DYNC1I1: variants seen among roughly 807,000 people sequenced by gnomAD.
DYNC1I1 encodes the protein cytoplasmic dynein 1 intermediate chain 1.
DYNC1I1 carries 43 observed loss-of-function variants against 86.6 expected under a neutral mutation model. That is an observed-to-expected ratio of 0.50 (90% confidence interval 0.39 to 0.64). The LOEUF (loss-of-function observed/expected upper bound fraction) is 0.64, where lower values mean the gene tolerates loss of function less well. DYNC1I1 is among the 30% of genes least tolerant of loss of function. The pLI, the probability that DYNC1I1 is intolerant of heterozygous loss-of-function variation, is 0.00. For synonymous variants in DYNC1I1, 262 were observed against 283.7 expected (o/e 0.92, Z 0.77); for missense variants, 604 against 788.8 (o/e 0.77, Z 2.81).
At chr7:96,109,635 AT>A (rs1791279475) in intron 16 of DYNC1I1, among the ~76,000 whole-genome samples, 1 of 151,834 alleles carries the variant, frequency 6.6e-6, no homozygotes, top group Admixed American at 6.6e-5. Flanking sequence ...GTGGTTTCTT[AT>A]TTTCCCTATA....
intron 9 of DYNC1I1, among the ~76,000 whole-genome samples, chr7:95,992,719 A>C (rs886398577): frequency 1.8e-4 from 27 of 152,020 alleles, no homozygotes; most frequent in Non-Finnish European, 3.8e-4. Flanking sequence ...TCCTGGGTTC[A>C]AGCAATTCTC....
chr7:95,796,090 A>C (rs114776358), intron 1 of DYNC1I1, among the ~76,000 whole-genome samples: 4,833 of 152,028 alleles, frequency 0.032, 248 homozygotes, highest in African/African-American at 0.11. Context: ...CAAAGGAATA[A>C]AAAAAATCAC....
intron 3 of DYNC1I1, among the ~76,000 whole-genome samples, chr7:95,811,134 A>G (rs796950543): frequency 4.6e-5 from 7 of 152,228 alleles, no homozygotes; most frequent in African/African-American, 1.4e-4. Context: ...TTTTATCACT[A>G]AAGCTTGGAT....
intron 1 of DYNC1I1, among the ~76,000 whole-genome samples, chr7:95,775,289 A>G (rs1387382326): frequency 6.6e-6 from 1 of 152,218 alleles, no homozygotes; most frequent in Non-Finnish European, 1.5e-5. Flanking sequence ...ATTTTCATAT[A>G]TTGAATACCA....
At chr7:95,894,628 C>T (rs1790830488) in intron 6 of DYNC1I1, among the ~76,000 whole-genome samples, 1 of 152,152 alleles carries the variant, frequency 6.6e-6, no homozygotes, top group South Asian at 2.1e-4. Flanking sequence ...ATCATTATAA[C>T]TAGGCTCAAA....
chr7:96,014,602 C>G (rs1182209877), intron 10 of DYNC1I1, among the ~76,000 whole-genome samples: 1 of 152,128 alleles, frequency 6.6e-6, no homozygotes, highest in Admixed American at 6.6e-5. Context: ...TGGATCTAAT[C>G]AAATGGGGCT....
At chr7:95,998,162 T>C (rs1217025132) in intron 10 of DYNC1I1, among the ~76,000 whole-genome samples, 1 of 152,250 alleles carries the variant, frequency 6.6e-6, no homozygotes, top group African/African-American at 2.4e-5. Context: ...AAAAATGTTA[T>C]TATTCTCTTT....
chr7:95,825,548 G>T (rs774610214), intron 4 of DYNC1I1, among the ~76,000 whole-genome samples: 1 of 152,300 alleles, frequency 6.6e-6, no homozygotes, highest in East Asian at 1.9e-4. Context: ...TTTGAACTGA[G>T]ATTAAAGAAT....
chr7:95,797,619 A>G (rs752163396), intron 1 of DYNC1I1, among the ~76,000 whole-genome samples: 11 of 152,250 alleles, frequency 7.2e-5, no homozygotes, highest in Non-Finnish European at 1.5e-4. Flanking sequence ...GGATAGACCA[A>G]TGGATTTTAA....
Position 95,810,499 on chromosome 7 carries a change from G to A in DYNC1I1, c.216G>A (p.Pro72=), listed in dbSNP as rs78122113. ...LLQSIGISPE[P]PLVPTPMSPS... is the part of the protein sequence containing the mutation. Reference sequence around the variant, plus strand: ...AAAGCATTGGTATCTCACCGGAGCCGCCTCTAGGTACTTAAAAGTGCTTCC... The same window carrying A: ...AAAGCATTGGTATCTCACCGGAGCCACCTCTAGGTACTTAAAAGTGCTTCC... Residue 72 remains proline (P), a synonymous_variant, in exon 3 of 17, where the codon CCG becomes CCA. Transcript: ENST00000447467. 1,953 of 1,610,802 alleles carry A rather than the reference G, an allele frequency of 1.2e-3. 33 individuals carry two copies. The African/African-American group carries it at 0.023, about 19-fold the overall frequency.
At chr7:95,874,651 GAGA>G (rs1790258562) in intron 6 of DYNC1I1, among the ~76,000 whole-genome samples, 1 of 151,712 alleles carries the variant, frequency 6.6e-6, no homozygotes, top group African/African-American at 2.4e-5. Flanking sequence ...AAAGAAGAGA[GAGA>G]GAGAGAGAGA....
intron 5 of DYNC1I1, among the ~76,000 whole-genome samples, chr7:95,836,207 T>C (rs1164060952): frequency 6.6e-6 from 1 of 151,962 alleles, no homozygotes; most frequent in East Asian, 1.9e-4. Context: ...GTCTGTAAAG[T>C]ATTTTATTTC....
At chr7:95,938,465 CA>C (rs1334343457) in intron 6 of DYNC1I1, among the ~76,000 whole-genome samples, 1 of 152,112 alleles carries the variant, frequency 6.6e-6, no homozygotes, top group African/African-American at 2.4e-5. Context: ...AGGGAAAATG[CA>C]GGATAATCAC....
rs186031556 is a variant in DYNC1I1 at position 96,026,314 on chromosome 7, G to A, written c.970-1861G>A. 3.9e-3 allele frequency among the ~76,000 whole-genome samples: 601 copies of A among 152,168 alleles called. 1 individual carries two copies. Among genetic ancestry groups the A allele is most frequent in the South Asian group, 0.013 (62 of 4,800 alleles). Reference sequence around the variant, plus strand: ...AGTATCTGAGGCTGTTTCTAACTAGGAAGCCTTAGGCTGATAGGAGATCTG... The same window carrying A: ...AGTATCTGAGGCTGTTTCTAACTAGAAAGCCTTAGGCTGATAGGAGATCTG... On this transcript the variant is annotated intron_variant, in intron 10 of 16. Coordinates refer to ENST00000447467, the MANE Select transcript of DYNC1I1 (RefSeq NM_001135556.2).
rs1792289912 is a variant in DYNC1I1 at position 95,943,216 on chromosome 7, T to G, written c.491-34296T>G. Among the ~76,000 whole-genome samples the G allele has an allele frequency of 2.0e-5, 3 of 152,008 alleles. 1 individual carries two copies. The South Asian group carries it at 6.3e-4, about 32-fold the overall frequency. ...CAATGTACAAAAATCACAAGCATTC[T>G]TATATGCCAATAACAGACAAACAGA... On this transcript the variant is annotated intron_variant, in intron 6 of 16. Transcript: ENST00000447467.
chr7:95,785,735 G>T, intron 1 of DYNC1I1, among the ~76,000 whole-genome samples: 1 of 135,004 alleles, frequency 7.4e-6, no homozygotes, highest in Non-Finnish European at 1.6e-5. Flanking sequence ...GTGTGTGTAT[G>T]TATATATATA....
At chr7:95,829,078 C>A (rs989370898) in intron 5 of DYNC1I1, among the ~76,000 whole-genome samples, 2 of 152,106 alleles carry the variant, frequency 1.3e-5, no homozygotes, top group African/African-American at 2.4e-5. Context: ...TTTATGGAAC[C>A]ATTATCTTTT....
chr7:96,040,750 C>T (rs1409268979), intron 14 of DYNC1I1, among the ~76,000 whole-genome samples: 3 of 146,250 alleles, frequency 2.1e-5, no homozygotes, highest in Non-Finnish European at 4.5e-5. Flanking sequence ...GAAACATAGT[C>T]TCGCTCTGTC....
intron 16 of DYNC1I1, among the ~76,000 whole-genome samples, chr7:96,084,576 C>T (rs984059047): frequency 2.0e-5 from 3 of 151,726 alleles, no homozygotes; most frequent in African/African-American, 7.3e-5. Flanking sequence ...GCGCATGCCA[C>T]AACACCCAGC....
Sources: allele counts gnomAD v4.1 joint callset (sites outside exome capture counted in the v4.1 genomes callset), GRCh38; gene constraint gnomAD v4.1.1; transcripts MANE v1.5; gene names NCBI Gene and HGNC (gene_info 2026-07-23, HGNC 2026-07-21).